The following COL11A1 variants were observed in gnomAD, a reference collection of about 807,000 sequenced individuals.
COL11A1 encodes collagen type XI alpha 1 chain.
COL11A1 carries 74 observed loss-of-function variants against 265.2 expected under a neutral mutation model. That is an observed-to-expected ratio of 0.28 (90% CI 0.23 to 0.34). The LOEUF (loss-of-function observed/expected upper bound fraction) is 0.34, where lower values mean the gene tolerates loss of function less well. Ranked by LOEUF, COL11A1 falls within the 10% of genes least tolerant of loss-of-function variation. The pLI is 1.00. For synonymous variants in COL11A1, 816 were observed against 727.6 expected (o/e 1.12, Z -1.96); for missense variants, 2,165 against 2,263.6 (o/e 0.96, Z 0.88).
chr1:103,028,207 C>A (rs779246366), intron 5 of COL11A1, among the ~76,000 whole-genome samples: 7 of 151,834 alleles, frequency 4.6e-5, no homozygotes, highest in Non-Finnish European at 8.8e-5. Context: ...ATTTTTTAAA[C>A]ATTTTTAGTA....
chr1:103,008,170 A>G (rs545628326), intron 15 of COL11A1, among the ~76,000 whole-genome samples: 3 of 152,222 alleles, frequency 2.0e-5, no homozygotes, highest in East Asian at 3.9e-4. Flanking sequence ...AACTCTCTAC[A>G]TTTTCATATA....
intron 36 of COL11A1, among the ~76,000 whole-genome samples, chr1:102,972,523 T>A (rs1269625598): frequency 2.0e-5 from 3 of 152,284 alleles, no homozygotes; most frequent in Non-Finnish European, 2.9e-5. Context: ...AGTATGTACT[T>A]CTAATATCAA....
chr1:103,018,909 C>A, intron 9 of COL11A1, 50 bp from the exon 10 acceptor site: 1 of 1,406,216 alleles, frequency 7.1e-7, no homozygotes, highest in Non-Finnish European at 1.0e-6. Context: ...AACCCCCAAC[C>A]TCTTAATTAC....
chr1:102,960,622 T>C (rs1156417579), intron 41 of COL11A1, among the ~76,000 whole-genome samples: 1 of 151,928 alleles, frequency 6.6e-6, no homozygotes, highest in Non-Finnish European at 1.5e-5. Flanking sequence ...AAACTGGAGT[T>C]TCCTGGAGAA....
chr1:102,906,918 T>C (rs78171893), intron 54 of COL11A1, among the ~76,000 whole-genome samples: 17,474 of 152,044 alleles, frequency 0.11, 1,099 homozygotes, highest in East Asian at 0.22. Context: ...AAATATATTT[T>C]ACTCTGGTGA....
At chr1:102,974,768 G>A (rs1435046508) in intron 36 of COL11A1, 62 bp downstream of exon 36, 5 of 1,235,858 alleles carry the variant, frequency 4.0e-6, no homozygotes, top group Non-Finnish European at 6.0e-6. Flanking sequence ...AATGTAAGCT[G>A]TGACTCTCAA....
chr1:102,967,227 C>CTTTTTTTATTTTTTTTTT (rs1661488574), intron 37 of COL11A1, among the ~76,000 whole-genome samples: 2 of 52,754 alleles, frequency 3.8e-5, no homozygotes, highest in Admixed American at 3.8e-4. Context: ...ATAATAAATT[C>CTTTTTTTATTTTTTTTTT]TTTTTTTTTT....
At chr1:102,883,646 G>A (rs1239862531) in intron 63 of COL11A1, among the ~76,000 whole-genome samples, 2 of 151,924 alleles carry the variant, frequency 1.3e-5, no homozygotes, top group African/African-American at 2.4e-5. Flanking sequence ...CATGCATATT[G>A]AAATAAGATA....
chr1:103,086,159 T>C (rs943251565), intron 1 of COL11A1, among the ~76,000 whole-genome samples: 1 of 152,224 alleles, frequency 6.6e-6, no homozygotes, highest in African/African-American at 2.4e-5. Context: ...TGTTCTAGTA[T>C]ATAAATGACT....
At chr1:103,078,557 C>T (rs1340874245) in intron 3 of COL11A1, 101 bp downstream of exon 3, 3 of 1,091,372 alleles carry the variant, frequency 2.7e-6, no homozygotes, top group African/African-American at 3.1e-5. Context: ...TATCACCAGC[C>T]TCTAGAAAAA....
At chr1:103,042,525 G>T (rs979672924) in intron 4 of COL11A1, among the ~76,000 whole-genome samples, 1 of 152,016 alleles carries the variant, frequency 6.6e-6, no homozygotes, top group Non-Finnish European at 1.5e-5. Flanking sequence ...TGCATCACCA[G>T]ACTCTCCCGC....
In COL11A1 at chr1:102,915,645, C is replaced by T. The variant is rs770191756; in HGVS notation, c.3802G>A (p.Glu1268Lys). 2 of 1,613,224 alleles carry T rather than the reference C, an allele frequency of 1.2e-6. No homozygotes were observed. The highest frequency in any genetic ancestry group is 1.7e-6 in the Non-Finnish European group (2 of 1,179,250). ...ACAGTACTTACGCCTACACCTGCTT[C>T]CCCAGGAGGCCCTGGGTTCCCTGCT... ...GEAGNPGPPG[E>K]AGVGGPKGER... is the part of the protein sequence containing the mutation. Residue 1268 changes from glutamate (E) to lysine (K), a missense_variant, in exon 50 of 67, where the codon GAA becomes AAA. Transcript: ENST00000370096.
At chr1:102,878,201 CT>C in intron 66 of COL11A1, 36 bp from the exon 67 acceptor site, 1 of 1,562,982 alleles carries the variant, frequency 6.4e-7, no homozygotes. Context: ...GTTATACAAT[CT>C]TTTAATATTT....
rs1450713198 is a variant in COL11A1 at position 102,946,854 on chromosome 1, C to T, written c.3271G>A (p.Ala1091Thr). 1.9e-6 allele frequency: 3 copies of T among 1,612,646 alleles called. No individual in the cohort carries two copies. The highest frequency in any genetic ancestry group is 2.5e-6 in the Non-Finnish European group (3 of 1,179,226). The change falls in exon 42 of 67, where the codon GCT (alanine) becomes ACT (threonine). Residue 1091 changes from alanine to threonine, a missense_variant. By Grantham distance (58) the Ala-to-Thr change is moderately conservative. Coordinates refer to ENST00000370096, the MANE Select transcript of COL11A1 (RefSeq NM_001854.4). ...TTCTCCTAGACATTACTTACAGGAGCACCTTTCTCTCCAGCTGGACCAGGA... is the reference window on the plus strand; with the variant it reads ...TTCTCCTAGACATTACTTACAGGAGTACCTTTCTCTCCAGCTGGACCAGGA... ...GPPGPAGEKG[A>T]PGEKGPQGPA...
chr1:102,898,585 A>T, intron 56 of COL11A1, 81 bp downstream of exon 56: 6 of 1,024,354 alleles, frequency 5.9e-6, no homozygotes, highest in Non-Finnish European at 9.0e-6. Flanking sequence ...AAATAATGCT[A>T]ACATAGACAC....
chr1:103,010,589 C>A (rs920931150), intron 14 of COL11A1, among the ~76,000 whole-genome samples: 7 of 152,094 alleles, frequency 4.6e-5, no homozygotes, highest in African/African-American at 1.7e-4. Context: ...TCCCTTGTTT[C>A]TGCTCATTGC....
At chr1:103,050,793 T>C (rs1308764295) in intron 4 of COL11A1, among the ~76,000 whole-genome samples, 1 of 152,210 alleles carries the variant, frequency 6.6e-6, no homozygotes. Flanking sequence ...TGGATGTCCT[T>C]CCTGTTTGTT....
At chr1:103,048,736 A>T (rs972750348) in intron 4 of COL11A1, among the ~76,000 whole-genome samples, 12 of 152,164 alleles carry the variant, frequency 7.9e-5, no homozygotes, top group African/African-American at 2.9e-4. Flanking sequence ...GTGGGCTTTT[A>T]GTGCTATAAA....
Position 102,877,745 on chromosome 1 carries a change from A to G in COL11A1, c.*274T>C, listed in dbSNP as rs1350454779. The G allele has an allele frequency of 2.6e-6, 1 of 386,860 alleles. No homozygotes were observed. The highest frequency in any genetic ancestry group is 4.8e-6 in the Non-Finnish European group (1 of 209,792). The allele number at this position is 386,860 out of a possible 1,614,324, so 24.0% of individuals were successfully genotyped here. ...TTCTTTTTTTGTTTTCTACAGCACCAAAGAAATTCAAATAGGAAAAGGAGA... is the reference window on the plus strand; with the variant it reads ...TTCTTTTTTTGTTTTCTACAGCACCGAAGAAATTCAAATAGGAAAAGGAGA... On this transcript the variant is annotated 3_prime_UTR_variant, in exon 67 of 67. Transcript: ENST00000370096.
Sources: gnomAD v4.1 joint callset for allele counts (sites outside exome capture counted in the v4.1 genomes callset) on GRCh38, gnomAD v4.1.1 for gene constraint, MANE v1.5 for transcripts, NCBI Gene and HGNC (gene_info 2026-07-23, HGNC 2026-07-21) for gene names.